FAM83B: variants seen among roughly 807,000 people sequenced by gnomAD.
The protein encoded by FAM83B is protein FAM83B.
In FAM83B, 26 loss-of-function variants were observed where a neutral mutation model predicts 38.8. That is an observed-to-expected ratio of 0.67 (90% confidence interval 0.49 to 0.93). The LOEUF (loss-of-function observed/expected upper bound fraction) is 0.93, where lower values mean the gene tolerates loss of function less well. Among genes scored for constraint, FAM83B ranks in the 40% least tolerant of loss-of-function variants. The probability of loss-of-function intolerance (pLI) is 0.00; values close to 1 mark genes in which losing one functional copy is unlikely to be tolerated. For synonymous variants in FAM83B, 419 were observed against 423.1 expected (o/e 0.99, Z 0.12); for missense variants, 1,237 against 1,197.3 (o/e 1.03, Z -0.49).
At chr6:54,860,458 C>A (rs1348273196) in intron 1 of FAM83B, among the ~76,000 whole-genome samples, 1 of 152,024 alleles carries the variant, frequency 6.6e-6, no homozygotes, top group Non-Finnish European at 1.5e-5. Flanking sequence ...TTCTAAAATG[C>A]AAAGGGACTA....
At chr6:54,930,411 C>G (rs1470778802) in intron 4 of FAM83B, among the ~76,000 whole-genome samples, 1 of 152,058 alleles carries the variant, frequency 6.6e-6, no homozygotes, top group Non-Finnish European at 1.5e-5. Flanking sequence ...TGGAAGCACA[C>G]CTGGGGGCCT....
At chr6:54,878,816 T>A (rs1561911637) in intron 2 of FAM83B, among the ~76,000 whole-genome samples, 3 of 149,956 alleles carry the variant, frequency 2.0e-5, no homozygotes, top group Admixed American at 2.0e-4. Context: ...GCTGTAATAT[T>A]GAAAATTGAC....
Position 54,940,796 on chromosome 6 carries a change from C to T in FAM83B, c.1825C>T (p.Pro609Ser), listed in dbSNP as rs1341059482. The change falls in exon 5 of 5, where the codon CCA becomes TCA. Residue 609 changes from proline (P) to serine (S), a missense_variant. Pro to Ser is a moderately conservative substitution (Grantham distance 74, BLOSUM62 -1). Transcript: ENST00000306858. ...CAAGCTCCCATTGCAGTCAGAGGCACCAAAAATGCACACCTTGCAGGTTCC... is the reference window on the plus strand; with the variant it reads ...CAAGCTCCCATTGCAGTCAGAGGCATCAAAAATGCACACCTTGCAGGTTCC... ...IPKLPLQSEA[P>S]KMHTLQVPEN... is the part of the protein sequence containing the mutation. 2.5e-6 allele frequency: 4 copies of T among 1,613,942 alleles called. No individual in the cohort carries two copies. Among genetic ancestry groups the T allele is most frequent in the Non-Finnish European group, 3.4e-6 (4 of 1,179,992 alleles).
chr6:54,927,473 C>T, intron 3 of FAM83B, 35 bp from the exon 4 acceptor site: 3 of 1,490,128 alleles, frequency 2.0e-6, no homozygotes, highest in South Asian at 1.5e-5. Context: ...TTTTCCTAGC[C>T]ATAATGTCTG....
intron 4 of FAM83B, among the ~76,000 whole-genome samples, chr6:54,929,445 C>T (rs551499255): frequency 6.6e-6 from 1 of 152,268 alleles, no homozygotes; most frequent in South Asian, 2.1e-4. Flanking sequence ...CATTGTGTGA[C>T]AGCTCACTCA....
chr6:54,863,819 G>GT (rs1188114531), intron 1 of FAM83B, among the ~76,000 whole-genome samples: 1 of 152,094 alleles, frequency 6.6e-6, no homozygotes, highest in African/African-American at 2.4e-5. Context: ...TAACATGTAT[G>GT]TTTTTTGTTG....
intron 4 of FAM83B, among the ~76,000 whole-genome samples, chr6:54,933,591 A>C (rs2127590182): frequency 6.6e-6 from 1 of 152,198 alleles, no homozygotes; most frequent in African/African-American, 2.4e-5. Flanking sequence ...CAGACATCTT[A>C]AAAATAATCA....
chr6:54,882,975 G>T (rs376277768), intron 2 of FAM83B, among the ~76,000 whole-genome samples: 1 of 151,640 alleles, frequency 6.6e-6, no homozygotes, highest in Non-Finnish European at 1.5e-5. Flanking sequence ...ATGGAGTCTC[G>T]CTCTGTCACC....
chr6:54,916,363 A>C (rs1773038283), intron 2 of FAM83B, among the ~76,000 whole-genome samples: 1 of 152,044 alleles, frequency 6.6e-6, no homozygotes, highest in African/African-American at 2.4e-5. Flanking sequence ...TTACCTACCA[A>C]GAGGTCTCAG....
intron 2 of FAM83B, among the ~76,000 whole-genome samples, chr6:54,916,738 C>G (rs964978070): frequency 1.3e-5 from 2 of 152,170 alleles, no homozygotes. Context: ...TTCGATACCC[C>G]TCCTCTCTTC....
intron 2 of FAM83B, among the ~76,000 whole-genome samples, chr6:54,910,679 T>TA (rs1772886325): frequency 6.6e-6 from 1 of 152,198 alleles, no homozygotes; most frequent in Non-Finnish European, 1.5e-5. Flanking sequence ...CTTCAGTAAA[T>TA]AGTCTTTTCA....
At chr6:54,886,462 AGGCC>A (rs1389345675) in intron 2 of FAM83B, among the ~76,000 whole-genome samples, 1 of 152,152 alleles carries the variant, frequency 6.6e-6, no homozygotes, top group Non-Finnish European at 1.5e-5. Flanking sequence ...AATAGGTCTA[AGGCC>A]ATTCAGATTT....
intron 4 of FAM83B, among the ~76,000 whole-genome samples, chr6:54,936,402 C>T (rs543342149): frequency 5.3e-4 from 81 of 152,088 alleles, no homozygotes; most frequent in African/African-American, 1.9e-3. Flanking sequence ...AACATTTTCA[C>T]TCATTATTCC....
chr6:54,939,044 G>A, intron 4 of FAM83B, among the ~76,000 whole-genome samples: 1 of 152,128 alleles, frequency 6.6e-6, no homozygotes, highest in Non-Finnish European at 1.5e-5. Context: ...TGCTTAAGGT[G>A]AGAAGTGAGG....
Position 54,939,691 on chromosome 6 carries a change from C to A in FAM83B, c.735-15C>A. On this transcript the variant is annotated splice_polypyrimidine_tract_variant and intron_variant, in intron 4 of 4. Coordinates refer to ENST00000306858, the MANE Select transcript of FAM83B (RefSeq NM_001010872.3). Reference sequence around the variant, plus strand: ...ATCTTTTAAATGATTAAAATTTTTCCATTTTTTTCCCCAGTTATATGTGGT... The same window carrying A: ...ATCTTTTAAATGATTAAAATTTTTCAATTTTTTTCCCCAGTTATATGTGGT... The A allele has an allele frequency of 1.3e-6, 2 of 1,539,466 alleles. No individual in the cohort carries two copies. The highest frequency in any genetic ancestry group is 1.7e-6 in the Non-Finnish European group (2 of 1,147,406).
chr6:54,904,555 A>G (rs239833), intron 2 of FAM83B, among the ~76,000 whole-genome samples: 35,781 of 152,142 alleles, frequency 0.24, 5,365 homozygotes, highest in African/African-American at 0.43. Context: ...AGCCCAGTAC[A>G]TTTTTTAATA....
chr6:54,894,712 T>C (rs1427794238), intron 2 of FAM83B, among the ~76,000 whole-genome samples: 2 of 152,172 alleles, frequency 1.3e-5, no homozygotes, highest in African/African-American at 2.4e-5. Context: ...TGATGACATA[T>C]TGGAAAGGGT....
chr6:54,884,993 T>C (rs1056102787), intron 2 of FAM83B, among the ~76,000 whole-genome samples: 6 of 152,044 alleles, frequency 3.9e-5, no homozygotes, highest in African/African-American at 9.7e-5. Flanking sequence ...AGGATGGTCT[T>C]GATCTCCTGA....
At chr6:54,869,873 C>T (rs1771803174) in intron 1 of FAM83B, among the ~76,000 whole-genome samples, 1 of 152,076 alleles carries the variant, frequency 6.6e-6, no homozygotes, top group African/African-American at 2.4e-5. Context: ...ATTCTGTATG[C>T]CTGACAGGTA....
Sources: allele counts gnomAD v4.1 joint callset (sites outside exome capture counted in the v4.1 genomes callset), GRCh38; gene constraint gnomAD v4.1.1; transcripts MANE v1.5; gene names NCBI Gene and HGNC (gene_info 2026-07-23, HGNC 2026-07-21).